Variants in HLX observed in about 807,000 individuals in gnomAD.
The protein encoded by HLX is H2.0-like homeobox protein.
A neutral mutation model predicts 27.7 loss-of-function variants in HLX; 6 were observed. The ratio of observed to expected loss-of-function variants is 0.22; its 90% CI spans 0.12 to 0.43. The LOEUF (loss-of-function observed/expected upper bound fraction) is 0.43. Ranked by LOEUF, HLX falls within the 20% of genes least tolerant of loss-of-function variation. The pLI is 1.00. For synonymous variants in HLX, 328 were observed against 293.8 expected (o/e 1.12, Z -1.19); for missense variants, 666 against 655.2 (o/e 1.02, Z -0.18).
intron 1 of HLX, 63 bp from the exon 2 acceptor site, chr1:220,881,131 A>G (rs1674426006): frequency 1.4e-6 from 2 of 1,424,092 alleles, no homozygotes; most frequent in South Asian, 1.2e-5. Context: ...GGGGAGGAAC[A>G]AATCAGCGGA....
chr1:220,881,763 AACACAC>A (rs71167242), intron 2 of HLX: 19,182 of 305,332 alleles, frequency 0.063, 330 homozygotes, highest in East Asian at 0.11. Context: ...TGCGGGAATA[AACACAC>A]ACACACACAC....
chr1:220,881,976 G>C (rs1312751097), intron 2 of HLX, 188 bp from the exon 3 acceptor site: 10 of 691,270 alleles, frequency 1.4e-5, no homozygotes, highest in Non-Finnish European at 2.4e-5. Context: ...TCTTCCGACT[G>C]TCGTGTAAAA....
In HLX at chr1:220,884,462, GC is replaced by G; in HGVS notation, c.1229del (p.Pro410ArgfsTer83). 1.2e-6 allele frequency: 2 copies of G among 1,614,160 alleles called. No individual in the cohort carries two copies. ...TCTGCACCAAACAACAGTTATTAAG[GC>G]CCCGGTCACTGGCGCCCTCATTACC... ...RSLHQTTVIKAPVTGALITAS... is the reference protein window; with the variant it reads ...RSLHQTTVIKXPVTGALITAS... On this transcript the variant is annotated frameshift_variant, in exon 4 of 4. Coordinates refer to ENST00000366903, the MANE Select transcript of HLX (RefSeq NM_021958.4). LOFTEE classifies it low-confidence loss of function (END_TRUNC). The surrounding 1 kb of genome is among the most constrained non-coding windows in gnomAD (Gnocchi z 4.9).
At chr1:220,881,902 T>C (rs1674458082) in intron 2 of HLX, 3 of 538,370 alleles carry the variant, frequency 5.6e-6, no homozygotes, top group Admixed American at 2.7e-5. Flanking sequence ...GCATGAGGTT[T>C]ATGTTTTTCT....
chr1:220,883,810 C>A, intron 3 of HLX: 1 of 255,950 alleles, frequency 3.9e-6, no homozygotes, highest in South Asian at 5.8e-5. Context: ...GGCTAGGAGT[C>A]CATAACTTTA....
chr1:220,884,248 C>T lies in HLX; in HGVS notation c.1011C>T (p.Ala337=). 2 of 1,613,898 alleles carry T rather than the reference C, an allele frequency of 1.2e-6. No individual in the cohort carries two copies. Among genetic ancestry groups the T allele is most frequent in the Non-Finnish European group, 1.7e-6 (2 of 1,179,998 alleles). ...TGAAGTGGCGGCACTCCAAGGAGGC[C>T]CAGGCCCAAAAGGACAAGGACAAGG... ...RRMKWRHSKE[A]QAQKDKDKEA... is the part of the protein sequence containing the mutation. Residue 337 remains alanine (A), a synonymous_variant, in exon 4 of 4, where the codon GCC becomes GCT. Transcript: ENST00000366903. The surrounding 1 kb of genome is among the most constrained non-coding windows in gnomAD (Gnocchi z 4.9).
intron 3 of HLX, chr1:220,883,112 G>C (rs1344763814): frequency 1.7e-5 from 2 of 118,792 alleles, no homozygotes; most frequent in African/African-American, 6.7e-5. Context: ...CCCGAGCTTT[G>C]ACTGTGGAAG....
At chr1:220,881,064 C>T in intron 1 of HLX, 130 bp from the exon 2 acceptor site, 3 of 841,920 alleles carry the variant, frequency 3.6e-6, no homozygotes, top group Non-Finnish European at 5.8e-6. Context: ...GGTTTCAGCG[C>T]CTAGACGGGT....
intron 2 of HLX, 116 bp from the exon 3 acceptor site, chr1:220,882,048 G>C: frequency 2.2e-6 from 2 of 923,714 alleles, no homozygotes; most frequent in Admixed American, 1.9e-5. Context: ...GGGTGGAATC[G>C]ACAGTTAACA....
chr1:220,884,178 G>C lies in HLX; in HGVS notation c.958-17G>C, dbSNP rs1674517123. 16 of 1,613,618 alleles carry C rather than the reference G, an allele frequency of 9.9e-6. No homozygotes were observed. Among genetic ancestry groups the C allele is most frequent in the Non-Finnish European group, 1.4e-5 (16 of 1,179,834 alleles). ...ATCTCGGTGTCTCTTCTTGTCTCCC[G>C]GTGTGGCGCGGCGCAGGTGAAGGTG... On this transcript the variant is annotated splice_polypyrimidine_tract_variant and intron_variant, in intron 3 of 3. Transcript: ENST00000366903. The surrounding 1 kb of genome is among the most constrained non-coding windows in gnomAD (Gnocchi z 4.9).
chr1:220,880,147 C>T lies in HLX; in HGVS notation c.290C>T (p.Pro97Leu). The change falls in exon 1 of 4, where the codon CCA becomes CTA. Residue 97 changes from proline (P) to leucine (L), a missense_variant. Transcript: ENST00000366903. ...AAARSPLRPT[P>L]VVAPSEVPAG... ...GCCAGATCCCCGCTTCGACCCACCCCAGTGGTGGCGCCCTCCGAAGTCCCG... is the reference window on the plus strand; with the variant it reads ...GCCAGATCCCCGCTTCGACCCACCCTAGTGGTGGCGCCCTCCGAAGTCCCG... 6 of 1,612,032 alleles carry T rather than the reference C, an allele frequency of 3.7e-6. No homozygotes were observed. The highest frequency in any genetic ancestry group is 5.1e-6 in the Non-Finnish European group (6 of 1,179,432).
chr1:220,884,807 G>A lies in HLX; in HGVS notation c.*103G>A, dbSNP rs1674535241. 2.0e-6 allele frequency: 3 copies of A among 1,493,218 alleles called. No individual in the cohort carries two copies. The highest frequency in any genetic ancestry group is 1.3e-5 in the South Asian group (1 of 79,700). The allele number at this position is 1,493,218 out of a possible 1,614,324, so 92.5% of individuals were successfully genotyped here. A position where few individuals can be genotyped will look rare whatever the true frequency, so the allele number is the denominator to read the frequency against. ...TTGGCGACTTGGTAGGGCAGGAGAC[G>A]CAGCGTGGAGCCTACCTCCCGACAT... On this transcript the variant is annotated 3_prime_UTR_variant, in exon 4 of 4. Transcript: ENST00000366903. The surrounding 1 kb of genome is among the most constrained non-coding windows in gnomAD (Gnocchi z 4.9).
At chr1:220,881,960 T>G in intron 2 of HLX, 1 of 673,576 alleles carries the variant, frequency 1.5e-6, no homozygotes, top group Non-Finnish European at 2.7e-6. Context: ...CCACGCTCGC[T>G]TTAGGTCTTC....
chr1:220,880,908 G>T (rs1571712120), intron 1 of HLX: 2 of 453,168 alleles, frequency 4.4e-6, no homozygotes, highest in Non-Finnish European at 7.9e-6. Flanking sequence ...GAGGTTTTGC[G>T]TCTGTGGCGT....
chr1:220,881,056 T>G, intron 1 of HLX, 138 bp from the exon 2 acceptor site: 2 of 777,852 alleles, frequency 2.6e-6, no homozygotes, highest in Non-Finnish European at 4.3e-6. Flanking sequence ...GAGAGAGAGG[T>G]TTCAGCGCCT....
Position 220,884,782 on chromosome 1 carries a change from T to C in HLX, c.*78T>C. ...GGCTGGGTTTTGTGCTTACTGTATG[T>C]TGGCGACTTGGTAGGGCAGGAGACG... On this transcript the variant is annotated 3_prime_UTR_variant, in exon 4 of 4. Coordinates refer to ENST00000366903, the MANE Select transcript of HLX (RefSeq NM_021958.4). This position sits in a 1 kb window ranked among gnomAD's most constrained non-coding sequence, Gnocchi z 4.9. 1 of 1,553,690 alleles carries C rather than the reference T, an allele frequency of 6.4e-7. No individual in the cohort carries two copies. The highest frequency in any genetic ancestry group is 1.2e-5 in the South Asian group (1 of 85,638).
intron 1 of HLX, 101 bp downstream of exon 1, chr1:220,880,550 A>C: frequency 7.9e-7 from 1 of 1,260,176 alleles, no homozygotes; most frequent in South Asian, 1.2e-5. Context: ...AATTAAGGAC[A>C]AATCGGTAAA....
chr1:220,884,047 C>T lies in HLX; in HGVS notation c.958-148C>T, dbSNP rs1674514462. 1 of 803,212 alleles carries T rather than the reference C, an allele frequency of 1.2e-6. No homozygotes were observed. Among genetic ancestry groups the T allele is most frequent in the Non-Finnish European group, 2.1e-6 (1 of 484,400 alleles). 49.8% of individuals were successfully genotyped at this position (803,212 alleles called of 1,614,324 possible). On this transcript the variant is annotated intron_variant, in intron 3 of 3. Coordinates refer to ENST00000366903, the MANE Select transcript of HLX (RefSeq NM_021958.4). This position sits in a 1 kb window ranked among gnomAD's most constrained non-coding sequence, Gnocchi z 4.9. ...GGCTGCCCCTTGGCTCCTGCGCCTA[C>T]CACAGTGTCTGGTCCTTGGTAGAGT...
Position 220,881,213 on chromosome 1 carries a change from C to A in HLX, c.612C>A (p.Thr204=). The A allele has an allele frequency of 6.2e-7, 1 of 1,614,082 alleles. No homozygotes were observed. The highest frequency in any genetic ancestry group is 8.5e-7 in the Non-Finnish European group (1 of 1,179,912). The change falls in exon 2 of 4, where the codon ACC becomes ACA. Residue 204 remains threonine, a synonymous_variant. Coordinates refer to ENST00000366903, the MANE Select transcript of HLX (RefSeq NM_021958.4). Reference sequence around the variant, plus strand: ...CCCCAGATCTCACTTCCCTGCTAACCGGTGGGCGGCCCGCCGGGGTGCACC... The same window carrying A: ...CCCCAGATCTCACTTCCCTGCTAACAGGTGGGCGGCCCGCCGGGGTGCACC... ...NTLRDLTSLL[T]GGRPAGVHLS...
Sources: gnomAD v4.1 joint callset for allele counts on GRCh38, gnomAD v4.1.1 for gene constraint, Gnocchi (gnomAD v3.1) non-coding constraint, MANE v1.5 for transcripts, NCBI Gene and HGNC (gene_info 2026-07-23, HGNC 2026-07-21) for gene names.